CCDC148: variants seen among roughly 807,000 people sequenced by gnomAD.
The protein encoded by CCDC148 is coiled-coil domain containing 148.
Under a neutral mutation model 85.7 loss-of-function variants are expected in CCDC148, and 89 were observed. The observed-to-expected ratio is 1.04, with a 90% confidence interval of 0.87 to 1.24. The LOEUF (loss-of-function observed/expected upper bound fraction) is 1.24, where lower values mean the gene tolerates loss of function less well. Ranked by LOEUF, CCDC148 falls within the 50% of genes most tolerant of loss-of-function variation. The probability of loss-of-function intolerance (pLI) is 0.00; values close to 1 mark genes in which losing one functional copy is unlikely to be tolerated. For synonymous variants in CCDC148, 230 were observed against 213.9 expected (o/e 1.08, Z -0.66); for missense variants, 692 against 671.7 (o/e 1.03, Z -0.33).
At chr2:158,269,949 G>A (rs1473890205) in intron 9 of CCDC148, among the ~76,000 whole-genome samples, 1 of 152,166 alleles carries the variant, frequency 6.6e-6, no homozygotes, top group Non-Finnish European at 1.5e-5. Flanking sequence ...ACAGAACAAA[G>A]TAGAACCTAC....
In CCDC148 at chr2:158,397,027, G is replaced by C. The variant is rs372472956; in HGVS notation, c.26-38457C>G. 9.5e-4 allele frequency among the ~76,000 whole-genome samples: 145 copies of C among 152,118 alleles called. 1 individual carries two copies. Among genetic ancestry groups the C allele is most frequent in the African/African-American group, 3.4e-3 (142 of 41,524 alleles). On this transcript the variant is annotated intron_variant, in intron 1 of 13. Transcript: ENST00000283233. ...GCAGTTTCTATCTGCTGCTGACCTT[G>C]AGAACAGGGATGTACGGTGCAAAAT...
chr2:158,396,622 G>T (rs944151176), intron 1 of CCDC148, among the ~76,000 whole-genome samples: 1 of 152,074 alleles, frequency 6.6e-6, no homozygotes, highest in Non-Finnish European at 1.5e-5. Context: ...CAGGCAATTT[G>T]CTTCACCTGC....
intron 1 of CCDC148, among the ~76,000 whole-genome samples, chr2:158,372,659 C>G (rs182553345): frequency 3.9e-5 from 6 of 152,084 alleles, no homozygotes; most frequent in African/African-American, 1.4e-4. Context: ...CCTTCCATAT[C>G]CTATATGTAG....
chr2:158,324,625 T>C (rs1286190846), intron 7 of CCDC148, among the ~76,000 whole-genome samples: 4 of 152,158 alleles, frequency 2.6e-5, no homozygotes, highest in Non-Finnish European at 5.9e-5. Context: ...TACTCACATT[T>C]ATAAAGATTT....
chr2:158,406,628 T>TTTTTTTTTGTTTTTGTTTTTG (rs1686028544), intron 1 of CCDC148, among the ~76,000 whole-genome samples: 22 of 119,056 alleles, frequency 1.8e-4, no homozygotes, highest in African/African-American at 6.1e-4. Flanking sequence ...TTTTTTTTTT[T>TTTTTTTTTGTTTTTGTTTTTG]TTTTTTTTTT....
intron 11 of CCDC148, among the ~76,000 whole-genome samples, chr2:158,217,452 G>A (rs541095354): frequency 6.7e-6 from 1 of 150,228 alleles, no homozygotes; most frequent in African/African-American, 2.4e-5. Context: ...GCCCAGGCTG[G>A]AGTGCGGTAG....
rs779259308 is a variant in CCDC148, at chr2:158,338,729, T to C, written c.761A>G (p.Tyr254Cys). 4 of 1,602,748 alleles carry C rather than the reference T, an allele frequency of 2.5e-6. No homozygotes were observed. In the East Asian group the frequency reaches 6.7e-5, roughly 27 times the overall value. Residue 254 changes from tyrosine to cysteine, a missense_variant, in exon 7 of 14, where the codon TAC (tyrosine) becomes TGC (cysteine). Tyr to Cys is a radical substitution (Grantham distance 194, BLOSUM62 -2). Coordinates refer to ENST00000283233, the MANE Select transcript of CCDC148 (RefSeq NM_138803.4). ...GGACTCAGTTTTATCTTATCACCTG[T>C]ATATGTCTTCCAACTGCAGATTAAA... ...QDFNLQLEDI[Y>C]RNCQLSEEDH...
At chr2:158,257,307 TTC>T (rs1008634381) in intron 9 of CCDC148, among the ~76,000 whole-genome samples, 2 of 151,838 alleles carry the variant, frequency 1.3e-5, no homozygotes, top group African/African-American at 4.8e-5. Context: ...TCAAATCCCT[TTC>T]TCTGTCTTCT....
At chr2:158,416,725 C>T (rs2105319272) in intron 1 of CCDC148, among the ~76,000 whole-genome samples, 1 of 152,294 alleles carries the variant, frequency 6.6e-6, no homozygotes, top group East Asian at 1.9e-4. Flanking sequence ...TCTGAGCCCT[C>T]TGCACTCTTC....
intron 1 of CCDC148, among the ~76,000 whole-genome samples, chr2:158,412,640 G>T (rs374263449): frequency 6.6e-6 from 1 of 151,974 alleles, no homozygotes; most frequent in Non-Finnish European, 1.5e-5. Context: ...TGATGTCCTT[G>T]TTCATCAAAC....
At chr2:158,448,468 C>T (rs1246422629) in intron 1 of CCDC148, among the ~76,000 whole-genome samples, 2 of 151,964 alleles carry the variant, frequency 1.3e-5, no homozygotes, top group African/African-American at 4.8e-5. Context: ...CCACCTCAGA[C>T]CCCTGAGGAG....
chr2:158,347,690 G>A (rs1182008317), intron 2 of CCDC148, among the ~76,000 whole-genome samples: 2 of 151,978 alleles, frequency 1.3e-5, no homozygotes, highest in Admixed American at 1.3e-4. Context: ...TTATTGTGAT[G>A]GTCCAAGATA....
intron 11 of CCDC148, among the ~76,000 whole-genome samples, chr2:158,188,643 G>A (rs946862405): frequency 6.6e-6 from 1 of 151,918 alleles, no homozygotes; most frequent in Admixed American, 6.6e-5. Flanking sequence ...AAAACTCATA[G>A]AAGAAAATCT....
chr2:158,360,236 GC>G (rs1386420416), intron 1 of CCDC148, among the ~76,000 whole-genome samples: 1 of 152,194 alleles, frequency 6.6e-6, no homozygotes, highest in East Asian at 1.9e-4. Flanking sequence ...GGAAGGGGCA[GC>G]TGTGAGCGCA....
intron 1 of CCDC148, among the ~76,000 whole-genome samples, chr2:158,411,567 TTTGA>T (rs1169077092): frequency 6.6e-6 from 1 of 152,128 alleles, no homozygotes; most frequent in Non-Finnish European, 1.5e-5. Context: ...TTGAACTCAT[TTTGA>T]TTATGTATTG....
Position 158,172,042 on chromosome 2 carries a change from G to T in CCDC148, c.*71C>A. 9.1e-7 allele frequency: 1 copy of T among 1,098,776 alleles called. No homozygotes were observed. Among genetic ancestry groups the T allele is most frequent in the Non-Finnish European group, 1.3e-6 (1 of 777,428 alleles). 68.1% of individuals were successfully genotyped at this position (1,098,776 alleles called of 1,614,324 possible). ...GATATTTCAAACATTTTAGAAAGTA[G>T]TAATTATTATTATCCATATACATGT... is the stretch of plus-strand genomic sequence containing the variant. On this transcript the variant is annotated 3_prime_UTR_variant, in exon 14 of 14. Coordinates refer to ENST00000283233, the MANE Select transcript of CCDC148 (RefSeq NM_138803.4).
chr2:158,184,938 G>C (rs1558964751), intron 11 of CCDC148, among the ~76,000 whole-genome samples: 1 of 152,118 alleles, frequency 6.6e-6, no homozygotes, highest in Non-Finnish European at 1.5e-5. Flanking sequence ...CTGGTCTGGG[G>C]ACCACACTTT....
chr2:158,283,525 A>C (rs1156250856), intron 9 of CCDC148, among the ~76,000 whole-genome samples: 1 of 152,266 alleles, frequency 6.6e-6, no homozygotes, highest in East Asian at 1.9e-4. Context: ...ACAGGAAAAA[A>C]TGCTCATCAT....
At position 158,456,545 on chromosome 2, in the gene CCDC148, T is replaced by C; in HGVS notation, c.-106A>G. ...AGGGGTACATCTAAGGGCTCAGCTG[T>C]TCCTACCTTTGACGCCAGGGACAAA... On this transcript the variant is annotated 5_prime_UTR_variant, in exon 1 of 14. Coordinates refer to ENST00000283233, the MANE Select transcript of CCDC148 (RefSeq NM_138803.4). 7.1e-7 allele frequency: 1 copy of C among 1,405,486 alleles called. No individual in the cohort carries two copies. The highest frequency in any genetic ancestry group is 9.6e-7 in the Non-Finnish European group (1 of 1,041,028). The allele number at this position is 1,405,486 out of a possible 1,614,324, so 87.1% of individuals were successfully genotyped here. A position where few individuals can be genotyped will look rare whatever the true frequency, so the allele number is the denominator to read the frequency against.
Sources: gnomAD v4.1 joint callset for allele counts (sites outside exome capture counted in the v4.1 genomes callset) on GRCh38, gnomAD v4.1.1 for gene constraint, MANE v1.5 for transcripts, NCBI Gene and HGNC (gene_info 2026-07-23, HGNC 2026-07-21) for gene names.